MAST4: variants seen among roughly 807,000 people sequenced by gnomAD.
MAST4 encodes microtubule associated serine/threonine kinase family member 4.
MAST4 carries 89 observed loss-of-function variants against 162.7 expected under a neutral mutation model. That is an observed-to-expected ratio of 0.55 (90% CI 0.46 to 0.65). The LOEUF (loss-of-function observed/expected upper bound fraction) is 0.65. Among genes scored for constraint, MAST4 ranks in the 30% least tolerant of loss-of-function variants. The pLI is 0.00. For missense variants in MAST4, 3,153 were observed against 3,374.0 expected (o/e 0.93, Z 1.62); for synonymous variants, 1,479 against 1,361.1 (o/e 1.09, Z -1.91).
chr5:66,949,011 T>C (rs892072853), intron 4 of MAST4, among the ~76,000 whole-genome samples: 4 of 152,136 alleles, frequency 2.6e-5, no homozygotes, highest in African/African-American at 7.2e-5. Context: ...TAGATATACA[T>C]GCCAAAAGGT....
At chr5:66,760,077 C>CTATT (rs1554049949) in intron 2 of MAST4, among the ~76,000 whole-genome samples, 5,171 of 146,988 alleles carry the variant, frequency 0.035, 116 homozygotes, top group Admixed American at 0.051. Flanking sequence ...ACAATATCCC[C>CTATT]TATTTATTTA....
At chr5:67,105,304 CA>C (rs1765474299) in intron 10 of MAST4, among the ~76,000 whole-genome samples, 1 of 152,204 alleles carries the variant, frequency 6.6e-6, no homozygotes, top group Admixed American at 6.5e-5. Flanking sequence ...TATGCCTTTG[CA>C]AACATAATTA....
chr5:67,139,873 C>T (rs995942675), intron 19 of MAST4, among the ~76,000 whole-genome samples: 6 of 152,178 alleles, frequency 3.9e-5, no homozygotes, highest in South Asian at 2.1e-4. Flanking sequence ...ACCAGCTTCT[C>T]GTAAGTGAGG....
chr5:67,028,302 C>T (rs1754919083), intron 4 of MAST4, among the ~76,000 whole-genome samples: 1 of 152,090 alleles, frequency 6.6e-6, no homozygotes, highest in African/African-American at 2.4e-5. Flanking sequence ...CGTACAGAGA[C>T]TCGAGTGAGA....
At chr5:66,808,324 C>T (rs1432687622) in intron 3 of MAST4, among the ~76,000 whole-genome samples, 2 of 152,172 alleles carry the variant, frequency 1.3e-5, no homozygotes, top group Non-Finnish European at 1.5e-5. Flanking sequence ...TGTAGGCATG[C>T]CCTGTGCAGG....
intron 1 of MAST4, among the ~76,000 whole-genome samples, chr5:66,666,983 C>T (rs190980442): frequency 0.027 from 4,095 of 152,122 alleles, 198 homozygotes; most frequent in African/African-American, 0.091. Context: ...CAGAAAGAGG[C>T]GGCCTCTACA....
At chr5:66,757,571 T>C (rs1185949506) in intron 1 of MAST4, among the ~76,000 whole-genome samples, 1 of 152,196 alleles carries the variant, frequency 6.6e-6, no homozygotes, top group East Asian at 1.9e-4. Context: ...CTACATAGAA[T>C]ATAGGATAAG....
At chr5:66,641,578 C>T (rs540954360) in intron 1 of MAST4, among the ~76,000 whole-genome samples, 6 of 152,168 alleles carry the variant, frequency 3.9e-5, no homozygotes, top group Non-Finnish European at 8.8e-5. Flanking sequence ...ATATTACTTC[C>T]CAGCAAGAGG....
chr5:67,082,515 G>A (rs979876108), intron 5 of MAST4, among the ~76,000 whole-genome samples: 1 of 152,154 alleles, frequency 6.6e-6, no homozygotes. Context: ...AAACCAGAGA[G>A]ACACAGCAAC....
At chr5:66,848,437 A>T (rs962811821) in intron 3 of MAST4, among the ~76,000 whole-genome samples, 5 of 152,062 alleles carry the variant, frequency 3.3e-5, no homozygotes, top group Non-Finnish European at 5.9e-5. Flanking sequence ...TCTTAAAAGC[A>T]GGCAGGTTGT....
intron 3 of MAST4, among the ~76,000 whole-genome samples, chr5:66,888,509 A>G (rs1362673824): frequency 1.3e-5 from 2 of 152,248 alleles, no homozygotes; most frequent in Non-Finnish European, 2.9e-5. Flanking sequence ...CACTTTTCAA[A>G]TAGTCTCATC....
At chr5:66,606,690 C>T (rs1262785030) in intron 1 of MAST4, among the ~76,000 whole-genome samples, 1 of 152,118 alleles carries the variant, frequency 6.6e-6, no homozygotes, top group East Asian at 1.9e-4. Context: ...GTGAATCTCT[C>T]CCACTGGTTT....
chr5:66,835,466 A>T (rs887439933), intron 3 of MAST4, among the ~76,000 whole-genome samples: 2 of 151,320 alleles, frequency 1.3e-5, no homozygotes, highest in Non-Finnish European at 2.9e-5. Context: ...TTTATTATAT[A>T]AAAAAAAAGT....
At chr5:67,004,202 C>T (rs1275244290) in intron 4 of MAST4, among the ~76,000 whole-genome samples, 3 of 43,976 alleles carry the variant, frequency 6.8e-5, no homozygotes, top group African/African-American at 8.7e-5. Context: ...GCTGGGGTCG[C>T]GCCGCGGCCG....
At chr5:66,689,364 G>A (rs1361048122) in intron 1 of MAST4, among the ~76,000 whole-genome samples, 1 of 152,118 alleles carries the variant, frequency 6.6e-6, no homozygotes, top group Non-Finnish European at 1.5e-5. Flanking sequence ...CAGGAAGAGG[G>A]GAAGATTTGT....
At chr5:66,957,870 T>C (rs1362412328) in intron 4 of MAST4, among the ~76,000 whole-genome samples, 1 of 152,158 alleles carries the variant, frequency 6.6e-6, no homozygotes, top group Non-Finnish European at 1.5e-5. Context: ...GCAGACCAGA[T>C]GTTGGTTCCT....
At chr5:67,075,160 A>AG (rs1487245881) in intron 5 of MAST4, among the ~76,000 whole-genome samples, 1,228 of 114,638 alleles carry the variant, frequency 0.011, 19 homozygotes, top group African/African-American at 0.044. Context: ...GATTGGAATG[A>AG]GTTTTTTTTT....
At chr5:66,638,685 C>T (rs562517250) in intron 1 of MAST4, among the ~76,000 whole-genome samples, 1 of 152,314 alleles carries the variant, frequency 6.6e-6, no homozygotes, top group South Asian at 2.1e-4. Flanking sequence ...AGGTATCACT[C>T]TCCCAGCCAT....
intron 4 of MAST4, among the ~76,000 whole-genome samples, chr5:66,908,884 C>T (rs756563545): frequency 2.6e-5 from 4 of 151,954 alleles, no homozygotes; most frequent in Non-Finnish European, 4.4e-5. Context: ...GCCTTAGTTT[C>T]CTAAAGTAGA....
Sources: gnomAD v4.1 joint callset for allele counts (sites outside exome capture counted in the v4.1 genomes callset) on GRCh38, gnomAD v4.1.1 for gene constraint, MANE v1.5 for transcripts, NCBI Gene and HGNC (gene_info 2026-07-23, HGNC 2026-07-21) for gene names.